Variants in CCDC12 observed in about 807,000 individuals in gnomAD.
The protein encoded by CCDC12 is coiled-coil domain containing 12, also known as coiled-coil domain-containing protein 12.
In CCDC12, 28 loss-of-function variants were observed where a neutral mutation model predicts 25.7. That is an observed-to-expected ratio of 1.09 (90% CI 0.81 to 1.50). The LOEUF (loss-of-function observed/expected upper bound fraction) is 1.50, where lower values mean the gene tolerates loss of function less well. CCDC12 is among the 40% of genes most tolerant of loss of function. CCDC12 has a pLI of 0.00. For synonymous variants in CCDC12, 75 were observed against 87.7 expected (o/e 0.86, Z 0.81); for missense variants, 198 against 210.0 (o/e 0.94, Z 0.35).
intron 2 of CCDC12, among the ~76,000 whole-genome samples, chr3:46,928,704 T>C (rs1341257378): frequency 1.3e-5 from 2 of 152,208 alleles, no homozygotes; most frequent in Admixed American, 6.5e-5. Context: ...GAAAGACTTT[T>C]TCAGACAAAG....
At chr3:46,976,217 G>A in intron 1 of CCDC12, 1 of 709,254 alleles carries the variant, frequency 1.4e-6, no homozygotes, top group Non-Finnish European at 1.8e-6. Context: ...TGTCCAAGGA[G>A]TGCTGCCGGA....
At chr3:46,975,758 C>G (rs1165377157) in intron 1 of CCDC12, among the ~76,000 whole-genome samples, 3 of 150,292 alleles carry the variant, frequency 2.0e-5, no homozygotes, top group South Asian at 2.1e-4. Flanking sequence ...GTCTCGATCT[C>G]CTAACCTCGT....
At chr3:46,922,499 C>T (rs2032727394) in intron 5 of CCDC12, 187 bp from the exon 6 acceptor site, 1 of 631,450 alleles carries the variant, frequency 1.6e-6, no homozygotes, top group African/African-American at 1.8e-5. Flanking sequence ...CCATCATTCC[C>T]TGTCCCACTG....
At chr3:46,974,366 A>C (rs1203361504) in intron 1 of CCDC12, among the ~76,000 whole-genome samples, 1 of 152,154 alleles carries the variant, frequency 6.6e-6, no homozygotes, top group Non-Finnish European at 1.5e-5. Flanking sequence ...CACTGAGAGG[A>C]TCCCTCTTTA....
chr3:46,949,810 T>C (rs2034043228), intron 1 of CCDC12, among the ~76,000 whole-genome samples: 2 of 152,020 alleles, frequency 1.3e-5, no homozygotes, highest in African/African-American at 2.4e-5. Flanking sequence ...AGGTGGATCA[T>C]AAGGTCAGGA....
intron 1 of CCDC12, among the ~76,000 whole-genome samples, chr3:46,963,785 T>C (rs926034440): frequency 1.3e-5 from 2 of 152,236 alleles, no homozygotes; most frequent in African/African-American, 4.8e-5. Flanking sequence ...TGGAGTGCAG[T>C]GGCGTGATCT....
At chr3:46,976,321 A>C (rs2034987151) in intron 1 of CCDC12, 1 of 1,267,020 alleles carries the variant, frequency 7.9e-7, no homozygotes, top group Non-Finnish European at 1.0e-6. Context: ...CCCAACAAGC[A>C]TCTGAACCTA....
At chr3:46,937,934 T>C (rs2033518569) in intron 2 of CCDC12, among the ~76,000 whole-genome samples, 1 of 152,200 alleles carries the variant, frequency 6.6e-6, no homozygotes, top group Non-Finnish European at 1.5e-5. Flanking sequence ...CACAACTCCT[T>C]GCTAAGGCTA....
chr3:46,959,343 T>G (rs1314912640), intron 1 of CCDC12, among the ~76,000 whole-genome samples: 1 of 152,192 alleles, frequency 6.6e-6, no homozygotes, highest in East Asian at 1.9e-4. Context: ...GAGCTGCAGT[T>G]TCTTCAACTG....
At chr3:46,973,316 G>A (rs562610156) in intron 1 of CCDC12, among the ~76,000 whole-genome samples, 4 of 145,290 alleles carry the variant, frequency 2.8e-5, no homozygotes, top group African/African-American at 5.2e-5. Context: ...TCGTGCCATC[G>A]CACTCCAGCC....
At chr3:46,976,972 A>G, upstream of CCDC12, 6 of 574,542 alleles carry the variant, frequency 1.0e-5, no homozygotes, top group Non-Finnish European at 1.5e-5. Context: ...AAAAAAAAGA[A>G]AAAAAAAAAA....
upstream of CCDC12, among the ~76,000 whole-genome samples, chr3:46,978,038 C>T (rs1375748215): frequency 2.6e-5 from 4 of 152,252 alleles, no homozygotes; most frequent in Non-Finnish European, 5.9e-5. Context: ...CCTCCACTGC[C>T]AGGGGACAAC....
intron 1 of CCDC12, among the ~76,000 whole-genome samples, chr3:46,969,417 G>A (rs1274704325): frequency 6.6e-6 from 1 of 152,172 alleles, no homozygotes; most frequent in Non-Finnish European, 1.5e-5. Context: ...TATATTTGTA[G>A]AGATGGTGTC....
At chr3:46,951,877 T>C (rs2034143719) in intron 1 of CCDC12, among the ~76,000 whole-genome samples, 1 of 141,382 alleles carries the variant, frequency 7.1e-6, no homozygotes, top group South Asian at 2.3e-4. Context: ...TCCTTTAGGA[T>C]TGTCAAGAGG....
chr3:46,976,828 G>GA (rs2035012745), upstream of CCDC12: 2 of 1,525,828 alleles, frequency 1.3e-6, no homozygotes, highest in Admixed American at 4.1e-5. Flanking sequence ...GGACGAGAAT[G>GA]AGAGACTGGG....
At position 46,925,550 on chromosome 3, in the gene CCDC12, G is replaced by T. The variant is rs2290545; in HGVS notation, c.165-15C>A. On this transcript the variant is annotated splice_polypyrimidine_tract_variant and intron_variant, in intron 2 of 6. Coordinates refer to ENST00000683445, the MANE Select transcript of CCDC12 (RefSeq NM_001277074.2). ...GCCTAAGTTCCCTGCAAGAATAGAG[G>T]GAACAAGCAGAGATGAAGTCAGTGT... 1 of 1,545,500 alleles carries T rather than the reference G, an allele frequency of 6.5e-7. No homozygotes were observed. The highest frequency in any genetic ancestry group is 8.8e-7 in the Non-Finnish European group (1 of 1,139,722).
intron 2 of CCDC12, among the ~76,000 whole-genome samples, chr3:46,935,548 C>T (rs965038637): frequency 4.0e-5 from 6 of 151,844 alleles, no homozygotes; most frequent in African/African-American, 9.7e-5. Context: ...CTGACATGAA[C>T]GCCCCTGAAT....
At chr3:46,973,341 G>A (rs1339480856) in intron 1 of CCDC12, among the ~76,000 whole-genome samples, 8 of 127,364 alleles carry the variant, frequency 6.3e-5, no homozygotes, top group African/African-American at 2.1e-4. Context: ...CAACAAGAGC[G>A]AAGCTCCATC....
At position 46,934,961 on chromosome 3, in the gene CCDC12, C is replaced by T. The variant is rs553649490; in HGVS notation, c.164+6037G>A. ...CAAACAACCATGATCTGTGATACAC[C>T]CTGGTGTGTGGAAACCATCAGTGGG... On this transcript the variant is annotated intron_variant, in intron 2 of 6. Transcript: ENST00000683445. Among the ~76,000 whole-genome samples, 52 of 152,316 alleles carry T rather than the reference C, an allele frequency of 3.4e-4. No homozygotes were observed. In the South Asian group the frequency reaches 0.011, roughly 31 times the overall value.
Sources: gnomAD v4.1 joint callset for allele counts (sites outside exome capture counted in the v4.1 genomes callset) on GRCh38, gnomAD v4.1.1 for gene constraint, MANE v1.5 for transcripts, NCBI Gene and HGNC (gene_info 2026-07-23, HGNC 2026-07-21) for gene names.